DSE: variants seen among roughly 807,000 people sequenced by gnomAD.
DSE encodes dermatan-sulfate epimerase.
DSE carries 36 observed loss-of-function variants against 84.4 expected under a neutral mutation model. The ratio of observed to expected loss-of-function variants is 0.43; its 90% CI spans 0.33 to 0.56. The LOEUF (loss-of-function observed/expected upper bound fraction) is 0.56. Ranked by LOEUF, DSE falls within the 20% of genes least tolerant of loss-of-function variation. The pLI is 0.06. For missense variants in DSE, 862 were observed against 1,169.6 expected, an observed-to-expected ratio of 0.74 and a Z score of 3.84; for synonymous variants, 410 against 430.1, an observed-to-expected ratio of 0.95 and a Z score of 0.58.
intron 2 of DSE, among the ~76,000 whole-genome samples, chr6:116,359,525 C>CTA (rs1176184877): frequency 6.6e-6 from 1 of 151,956 alleles, no homozygotes. Flanking sequence ...CTTTTGTTTC[C>CTA]TATATATAGC....
intron 2 of DSE, among the ~76,000 whole-genome samples, chr6:116,353,082 CATTT>C (rs1778398166): frequency 6.6e-6 from 1 of 152,150 alleles, no homozygotes. Flanking sequence ...CTACCTCATT[CATTT>C]ATGTTAGCTA....
At chr6:116,369,907 A>C (rs775044146), upstream of DSE, 544 of 1,289,218 alleles carry the variant, frequency 4.2e-4, 2 homozygotes, top group Non-Finnish European at 5.3e-4. Flanking sequence ...CCAGTAAAAT[A>C]TCTCTCATTC....
intron 2 of DSE, among the ~76,000 whole-genome samples, chr6:116,347,097 C>A (rs988601667): frequency 1.7e-4 from 26 of 152,146 alleles, no homozygotes; most frequent in Admixed American, 6.5e-5. Context: ...GAACTACAGA[C>A]CACTGCTCAA....
intron 3 of DSE, among the ~76,000 whole-genome samples, chr6:116,429,909 G>A (rs1307362822): frequency 1.5e-4 from 2 of 13,428 alleles, no homozygotes; most frequent in Non-Finnish European, 3.0e-4. Flanking sequence ...CCGAGATTGC[G>A]CCACTGCACT....
intron 2 of DSE, among the ~76,000 whole-genome samples, chr6:116,295,800 C>G (rs1341085110): frequency 6.6e-6 from 1 of 152,138 alleles, no homozygotes; most frequent in Non-Finnish European, 1.5e-5. Context: ...ATAACATTAT[C>G]ATAGAAGCCT....
intron 2 of DSE, among the ~76,000 whole-genome samples, chr6:116,330,473 T>C (rs1776871676): frequency 6.6e-6 from 1 of 152,220 alleles, no homozygotes; most frequent in African/African-American, 2.4e-5. Flanking sequence ...AAAAAGCAAT[T>C]TATTTTAATA....
intron 2 of DSE, among the ~76,000 whole-genome samples, chr6:116,364,595 TAAC>T (rs1779063307): frequency 6.6e-6 from 1 of 152,220 alleles, no homozygotes; most frequent in African/African-American, 2.4e-5. Context: ...AGTGAAACAT[TAAC>T]TGCAATATGA....
chr6:116,385,373 G>A (rs937734852), intron 1 of DSE, among the ~76,000 whole-genome samples: 3 of 152,208 alleles, frequency 2.0e-5, no homozygotes. Context: ...AGGTAAGAGT[G>A]AAGGCAGGTA....
chr6:116,374,705 CCTCA>C (rs1779815979), intron 1 of DSE, among the ~76,000 whole-genome samples: 1 of 152,102 alleles, frequency 6.6e-6, no homozygotes, highest in African/African-American at 2.4e-5. Context: ...TGATCCAGGA[CCTCA>C]CATGGTGAGG....
intron 4 of DSE, chr6:116,433,028 A>G: frequency 6.3e-6 from 2 of 315,074 alleles, no homozygotes; most frequent in Non-Finnish European, 6.1e-6. Flanking sequence ...TCCCATGTAT[A>G]TATGCAAATA....
intron 1 of DSE, chr6:116,257,473 ATCTTCTTTT>A (rs1772194721): frequency 6.6e-6 from 1 of 152,248 alleles, no homozygotes; most frequent in South Asian, 2.1e-4. Context: ...TTTCTTCTTT[ATCTTCTTTT>A]CCTTTACCTG....
chr6:116,285,167 C>T (rs556000060), intron 2 of DSE, among the ~76,000 whole-genome samples: 5 of 152,326 alleles, frequency 3.3e-5, no homozygotes, highest in South Asian at 2.1e-4. Flanking sequence ...TTCTCCACAT[C>T]GTCTCCAGCA....
chr6:116,307,633 C>A (rs1304078753), intron 2 of DSE, among the ~76,000 whole-genome samples: 2 of 152,166 alleles, frequency 1.3e-5, no homozygotes, highest in Non-Finnish European at 2.9e-5. Flanking sequence ...GAATCTTGGT[C>A]TCTGTTTATT....
At chr6:116,435,418 C>T (rs1468128840) in intron 5 of DSE, among the ~76,000 whole-genome samples, 169 bp from the exon 6 acceptor site, 3 of 152,154 alleles carry the variant, frequency 2.0e-5, no homozygotes, top group Admixed American at 6.5e-5. Flanking sequence ...CCAAGGGTTT[C>T]CCTTTGTGCA....
At chr6:116,430,667 A>G (rs1426310730) in intron 3 of DSE, among the ~76,000 whole-genome samples, 1 of 151,910 alleles carries the variant, frequency 6.6e-6, no homozygotes, top group Non-Finnish European at 1.5e-5. Flanking sequence ...TCAGCCCCCC[A>G]AGTAGCTGGG....
At chr6:116,338,219 CTTT>C (rs893312210) in intron 2 of DSE, among the ~76,000 whole-genome samples, 7 of 91,218 alleles carry the variant, frequency 7.7e-5, no homozygotes, top group Non-Finnish European at 1.4e-4. Flanking sequence ...TTTCTTCTTT[CTTT>C]TTTTTTTTTT....
chr6:116,374,073 T>C (rs1779774899), intron 1 of DSE, among the ~76,000 whole-genome samples: 1 of 151,996 alleles, frequency 6.6e-6, no homozygotes, highest in Non-Finnish European at 1.5e-5. Context: ...AACCTGAAAC[T>C]GTCAAAGGAT....
chr6:116,365,729 A>T (rs1779131761), upstream of DSE, among the ~76,000 whole-genome samples: 1 of 152,340 alleles, frequency 6.6e-6, no homozygotes, highest in South Asian at 2.1e-4. Flanking sequence ...TAAGAGTACA[A>T]CTAGGCATTG....
At chr6:116,407,404 A>C (rs1782005833) in intron 2 of DSE, among the ~76,000 whole-genome samples, 2 of 152,100 alleles carry the variant, frequency 1.3e-5, no homozygotes, top group Admixed American at 6.6e-5. Flanking sequence ...TATCTACTTT[A>C]TTTGTCTCAC....
Sources: allele counts gnomAD v4.1 joint callset (sites outside exome capture counted in the v4.1 genomes callset), GRCh38; gene constraint gnomAD v4.1.1; transcripts MANE v1.5; gene names NCBI Gene and HGNC (gene_info 2026-07-23, HGNC 2026-07-21).